Variants in SIDT1 observed in about 807,000 individuals in gnomAD.
SIDT1 encodes SID1 transmembrane family, member 1.
SIDT1 carries 101 observed loss-of-function variants against 107.5 expected under a neutral mutation model. That is an observed-to-expected ratio of 0.94 (90% CI 0.80 to 1.11). The LOEUF is 1.11. SIDT1 is among the 50% of genes least tolerant of loss of function. SIDT1 has a pLI of 0.00. For synonymous variants in SIDT1, 395 were observed against 398.2 expected (o/e 0.99, Z 0.10); for missense variants, 1,076 against 1,058.2 (o/e 1.02, Z -0.23).
chr3:113,539,513 AC>A (rs1375003742), intron 1 of SIDT1, among the ~76,000 whole-genome samples: 1 of 152,048 alleles, frequency 6.6e-6, no homozygotes, highest in Non-Finnish European at 1.5e-5. Flanking sequence ...TGGATTGGTA[AC>A]ATTTTCTAAG....
rs1943867039 is a variant in SIDT1, at chr3:113,588,036, T to G, written c.1001+2766T>G. Among the ~76,000 whole-genome samples, 3 of 152,198 alleles carry G rather than the reference T, an allele frequency of 2.0e-5. No individual in the cohort carries two copies. The South Asian group carries it at 6.2e-4, about 32-fold the overall frequency. On this transcript the variant is annotated intron_variant, in intron 9 of 24. Coordinates refer to ENST00000264852, the MANE Select transcript of SIDT1 (RefSeq NM_017699.3). ...GGAAGACTGTCTCTAATCCTGATGT[T>G]TTAGATTTTAGAAAACAGGAGTGTT...
chr3:113,602,573 C>T lies in SIDT1; in HGVS notation c.1118-432C>T, dbSNP rs114621099. On this transcript the variant is annotated intron_variant, in intron 11 of 24. Coordinates refer to ENST00000264852, the MANE Select transcript of SIDT1 (RefSeq NM_017699.3). Reference sequence around the variant, plus strand: ...ACAGCATGTGGGTGATTTCTGTGTACAAATACTTTACCCATGAGAAATGTA... The same window carrying T: ...ACAGCATGTGGGTGATTTCTGTGTATAAATACTTTACCCATGAGAAATGTA... The T allele has an allele frequency of 1.9e-3, 295 of 152,778 alleles. 1 individual carries two copies. The highest frequency in any genetic ancestry group is 5.0e-3 in the Admixed American group (76 of 15,310). 9.5% of individuals were successfully genotyped at this position (152,778 alleles called of 1,614,324 possible).
intron 1 of SIDT1, among the ~76,000 whole-genome samples, chr3:113,558,111 C>A (rs760874152): frequency 6.6e-6 from 1 of 152,068 alleles, no homozygotes; most frequent in Non-Finnish European, 1.5e-5. Flanking sequence ...GGCAAATGAG[C>A]CAGGAGAGCA....
chr3:113,555,833 A>G (rs907612608), intron 1 of SIDT1, among the ~76,000 whole-genome samples: 6 of 147,790 alleles, frequency 4.1e-5, no homozygotes, highest in African/African-American at 1.2e-4. Context: ...ATCCTACATA[A>G]GACGGACTAT....
Position 113,629,425 on chromosome 3 carries a change from A to G in SIDT1, c.*1717A>G, listed in dbSNP as rs1324367944. The G allele has an allele frequency of 6.6e-6, 1 of 152,226 alleles. No individual in the cohort carries two copies. The highest frequency in any genetic ancestry group is 1.5e-5 in the Non-Finnish European group (1 of 68,062). The allele number at this position is 152,226 out of a possible 1,614,324, so 9.4% of individuals were successfully genotyped here. A position where few individuals can be genotyped will look rare whatever the true frequency, so the allele number is the denominator to read the frequency against. On this transcript the variant is annotated 3_prime_UTR_variant, in exon 25 of 25. Transcript: ENST00000264852. The stretch of plus-strand genomic sequence containing the variant: ...AGTGGCTCACGCCTGTAATCCCAAC[A>G]CTTTGGGAGGCTGAGGCAGGAGGAT...
intron 10 of SIDT1, among the ~76,000 whole-genome samples, chr3:113,596,865 G>T (rs146985247): frequency 6.6e-6 from 1 of 152,156 alleles, no homozygotes; most frequent in Admixed American, 6.5e-5. Flanking sequence ...AGGCCTAATC[G>T]GTTGTAGATT....
intron 1 of SIDT1, among the ~76,000 whole-genome samples, chr3:113,547,476 C>T (rs888531273): frequency 6.6e-6 from 1 of 151,896 alleles, no homozygotes; most frequent in African/African-American, 2.4e-5. Flanking sequence ...ATTCTCGTTC[C>T]CTCATTTTTT....
chr3:113,615,713 G>C (rs374622972), intron 19 of SIDT1, among the ~76,000 whole-genome samples: 1 of 152,188 alleles, frequency 6.6e-6, no homozygotes, highest in African/African-American at 2.4e-5. Context: ...CCTCTAGAGA[G>C]AGCATGTGTT....
chr3:113,612,322 A>G (rs1250586331), intron 19 of SIDT1, 128 bp downstream of exon 19: 5 of 732,058 alleles, frequency 6.8e-6, no homozygotes, highest in African/African-American at 5.2e-5. Flanking sequence ...ATTCTATGCC[A>G]TGTTTAATAG....
rs202200078 is a variant in SIDT1 at position 113,593,047 on chromosome 3, T to C, written c.1044T>C (p.Asp348=). The C allele has an allele frequency of 1.9e-4, 299 of 1,612,734 alleles. No homozygotes were observed. Among genetic ancestry groups the C allele is most frequent in the East Asian group, 2.5e-4 (11 of 44,890 alleles). Reference sequence around the variant, plus strand: ...TTGATGGAAGCTTTGGGTCCAATGATGGTAAGAGCAATGCTTGGTTTCAAT... The same window carrying C: ...TTGATGGAAGCTTTGGGTCCAATGACGGTAAGAGCAATGCTTGGTTTCAAT... The part of the protein sequence containing the change: ...KSIDGSFGSN[D]GSGNMVASHP... The change falls in exon 10 of 25, where the codon GAT becomes GAC. Residue 348 remains aspartate, a splice_region_variant and synonymous_variant. Coordinates refer to ENST00000264852, the MANE Select transcript of SIDT1 (RefSeq NM_017699.3).
intron 10 of SIDT1, among the ~76,000 whole-genome samples, chr3:113,597,643 C>T (rs1463832718): frequency 1.3e-5 from 2 of 151,964 alleles, no homozygotes; most frequent in Admixed American, 6.6e-5. Flanking sequence ...CAAACATGCT[C>T]AAAATGAAAT....
chr3:113,632,185 C>T (rs1229164450), downstream of SIDT1, among the ~76,000 whole-genome samples: 1 of 152,142 alleles, frequency 6.6e-6, no homozygotes, highest in East Asian at 1.9e-4. Context: ...CAGATTTAAA[C>T]AGTGAAAGAT....
chr3:113,549,330 A>G (rs1240372763), intron 1 of SIDT1, among the ~76,000 whole-genome samples: 1 of 152,154 alleles, frequency 6.6e-6, no homozygotes, highest in Non-Finnish European at 1.5e-5. Context: ...AAAGTGTCAA[A>G]CTGTCTTTCT....
intron 3 of SIDT1, among the ~76,000 whole-genome samples, chr3:113,569,951 G>A (rs1942288963): frequency 6.6e-6 from 1 of 152,146 alleles, no homozygotes; most frequent in Admixed American, 6.5e-5. Flanking sequence ...GTATCACCAG[G>A]CTGGAGTGCA....
intron 2 of SIDT1, among the ~76,000 whole-genome samples, 198 bp from the exon 3 acceptor site, chr3:113,567,342 G>T (rs1942013385): frequency 6.6e-6 from 1 of 152,158 alleles, no homozygotes; most frequent in Non-Finnish European, 1.5e-5. Flanking sequence ...TCACATCCCT[G>T]TTATTATATC....
At chr3:113,633,734 T>C (rs1484104590), downstream of SIDT1, among the ~76,000 whole-genome samples, 4 of 152,214 alleles carry the variant, frequency 2.6e-5, no homozygotes, top group Non-Finnish European at 5.9e-5. Flanking sequence ...GCGTGGAGCC[T>C]GCAGAAGGCC....
chr3:113,628,856 T>C lies in SIDT1; in HGVS notation c.*1148T>C, dbSNP rs1052995801. 6.6e-6 allele frequency: 1 copy of C among 152,254 alleles called. No individual in the cohort carries two copies. Among genetic ancestry groups the C allele is most frequent in the African/African-American group, 2.4e-5 (1 of 41,450 alleles). The allele number at this position is 152,254 out of a possible 1,614,324, so 9.4% of individuals were successfully genotyped here. Reference sequence around the variant, plus strand: ...GTCCTCTTCCCCTCTTCTTGCAAAGTGCACAGCTAATCTAATGTTGTCTCT... The same window carrying C: ...GTCCTCTTCCCCTCTTCTTGCAAAGCGCACAGCTAATCTAATGTTGTCTCT... On this transcript the variant is annotated 3_prime_UTR_variant, in exon 25 of 25. Transcript: ENST00000264852.
At chr3:113,537,969 T>C (rs1381006332) in intron 1 of SIDT1, among the ~76,000 whole-genome samples, 2 of 151,996 alleles carry the variant, frequency 1.3e-5, no homozygotes, top group Non-Finnish European at 2.9e-5. Flanking sequence ...TTTTAGGAGA[T>C]ACAGGGTTAC....
chr3:113,543,754 G>T (rs1319469021), intron 1 of SIDT1, among the ~76,000 whole-genome samples: 1 of 152,180 alleles, frequency 6.6e-6, no homozygotes, highest in Non-Finnish European at 1.5e-5. Context: ...TTACAAGAAA[G>T]TAAGAACAGT....
Sources: gnomAD v4.1 joint callset for allele counts (sites outside exome capture counted in the v4.1 genomes callset) on GRCh38, gnomAD v4.1.1 for gene constraint, MANE v1.5 for transcripts, NCBI Gene and HGNC (gene_info 2026-07-23, HGNC 2026-07-21) for gene names.